Variants in ARFGEF1 observed in about 807,000 individuals in gnomAD.
ARFGEF1 encodes the protein brefeldin A-inhibited guanine nucleotide-exchange protein 1.
A neutral mutation model predicts 231.0 loss-of-function variants in ARFGEF1; 42 were observed. The observed-to-expected ratio is 0.18, with a 90% confidence interval of 0.14 to 0.24. The LOEUF is 0.24. ARFGEF1 is among the 10% of genes least tolerant of loss of function. The pLI is 1.00. For synonymous variants in ARFGEF1, 710 were observed against 732.3 expected (o/e 0.97, Z 0.49); for missense variants, 1,345 against 2,192.0 (o/e 0.61, Z 7.72).
chr8:67,305,520 T>C (rs912523496), intron 1 of ARFGEF1, among the ~76,000 whole-genome samples: 2 of 152,184 alleles, frequency 1.3e-5, no homozygotes, highest in African/African-American at 2.4e-5. Flanking sequence ...GTTAATTTTG[T>C]ATTTTTAGTA....
chr8:67,183,496 A>G (rs1273094975), intron 5 of ARFGEF1, among the ~76,000 whole-genome samples: 2 of 152,240 alleles, frequency 1.3e-5, no homozygotes, highest in Non-Finnish European at 2.9e-5. Flanking sequence ...ACAGAAAGAT[A>G]GCTGGAAAAA....
At chr8:67,264,878 T>A (rs1804786255) in intron 14 of ARFGEF1, among the ~76,000 whole-genome samples, 1 of 152,200 alleles carries the variant, frequency 6.6e-6, no homozygotes, top group African/African-American at 2.4e-5. Context: ...GTACTATTTT[T>A]AAAAATTGCT....
At chr8:67,329,600 G>A (rs1194378610) in intron 1 of ARFGEF1, among the ~76,000 whole-genome samples, 2 of 149,824 alleles carry the variant, frequency 1.3e-5, no homozygotes, top group African/African-American at 4.9e-5. Context: ...AAAATGGAAA[G>A]AGCTAGAAAA....
chr8:67,203,870 A>T (rs956793943), intron 35 of ARFGEF1, among the ~76,000 whole-genome samples: 2 of 151,838 alleles, frequency 1.3e-5, no homozygotes, highest in African/African-American at 4.8e-5. Context: ...TCCACAACCC[A>T]TCCCCCAGCC....
chr8:67,311,340 C>T (rs1225014146), intron 1 of ARFGEF1, among the ~76,000 whole-genome samples: 3 of 113,324 alleles, frequency 2.6e-5, no homozygotes, highest in Admixed American at 8.8e-5. Flanking sequence ...AGGTGAGGGG[C>T]GCCTCTGCCC....
At chr8:67,328,713 T>C (rs1461424315) in intron 1 of ARFGEF1, among the ~76,000 whole-genome samples, 2 of 152,244 alleles carry the variant, frequency 1.3e-5, no homozygotes, top group African/African-American at 4.8e-5. Flanking sequence ...TCAAGAGTTG[T>C]AAACTAAATG....
intron 1 of ARFGEF1, among the ~76,000 whole-genome samples, chr8:67,339,137 AAGTC>A (rs1320116569): frequency 1.3e-5 from 2 of 152,310 alleles, no homozygotes; most frequent in East Asian, 1.9e-4. Context: ...TAAGAAAACT[AAGTC>A]AGCAGGATCA....
intron 8 of ARFGEF1, among the ~76,000 whole-genome samples, chr8:67,276,609 C>G (rs1388176644): frequency 2.0e-5 from 3 of 152,116 alleles, no homozygotes; most frequent in African/African-American, 7.2e-5. Context: ...ATCTTTTACA[C>G]ACAAAATATA....
At chr8:67,271,325 A>T (rs1805090083) in intron 10 of ARFGEF1, among the ~76,000 whole-genome samples, 3 of 152,224 alleles carry the variant, frequency 2.0e-5, no homozygotes, top group African/African-American at 7.2e-5. Flanking sequence ...CAAATGGTTT[A>T]AAATAATGGA....
intron 26 of ARFGEF1, 41 bp downstream of exon 26, chr8:67,227,406 C>T (rs566471354): frequency 2.5e-6 from 4 of 1,601,894 alleles, no homozygotes; most frequent in East Asian, 2.2e-5. Context: ...TGGAAAACAA[C>T]AAGATTTTCC....
At chr8:67,186,316 T>C (rs1476845190) in intron 5 of ARFGEF1, among the ~76,000 whole-genome samples, 1 of 151,822 alleles carries the variant, frequency 6.6e-6, no homozygotes, top group Non-Finnish European at 1.5e-5. Context: ...GTTTTAAATA[T>C]GTATGGAATG....
chr8:67,337,656 C>CTATT (rs886457467), intron 1 of ARFGEF1, among the ~76,000 whole-genome samples: 2 of 151,792 alleles, frequency 1.3e-5, no homozygotes, highest in African/African-American at 4.8e-5. Flanking sequence ...TTTCCTGTTT[C>CTATT]TATTTCATCC....
intron 5 of ARFGEF1, among the ~76,000 whole-genome samples, chr8:67,178,451 A>T (rs1017321876): frequency 1.3e-5 from 2 of 152,234 alleles, no homozygotes; most frequent in Non-Finnish European, 2.9e-5. Flanking sequence ...AACAAAAGGG[A>T]CAAAAATCCC....
At chr8:67,179,732 T>A (rs941669076) in intron 5 of ARFGEF1, 23 of 613,908 alleles carry the variant, frequency 3.7e-5, no homozygotes, top group Middle Eastern at 5.2e-4. Flanking sequence ...TGGAATGTAG[T>A]CAGTCCTACC....
At chr8:67,339,790 T>TGGGGGGGGG (rs1479485264) in intron 1 of ARFGEF1, among the ~76,000 whole-genome samples, 4 of 424 alleles carry the variant, frequency 9.4e-3, no homozygotes, top group African/African-American at 0.019. Context: ...TGTAACAGTG[T>TGGGGGGGGG]GGGGCGGGGG....
chr8:67,227,790 G>C (rs1393645063), intron 25 of ARFGEF1, among the ~76,000 whole-genome samples, 173 bp downstream of exon 25: 1 of 151,814 alleles, frequency 6.6e-6, no homozygotes, highest in Non-Finnish European at 1.5e-5. Flanking sequence ...AATTCTTAAA[G>C]CCCAGAGCAA....
intron 5 of ARFGEF1, among the ~76,000 whole-genome samples, chr8:67,186,860 T>C (rs1246963271): frequency 6.6e-6 from 1 of 152,198 alleles, no homozygotes; most frequent in African/African-American, 2.4e-5. Flanking sequence ...AGTCAGTCAC[T>C]TTACAATATG....
At position 67,219,474 on chromosome 8, in the gene ARFGEF1, A is replaced by C; in HGVS notation, c.4295T>G (p.Phe1432Cys). 6.2e-7 allele frequency: 1 copy of C among 1,612,312 alleles called. No homozygotes were observed. Among genetic ancestry groups the C allele is most frequent in the Non-Finnish European group, 8.5e-7 (1 of 1,179,314 alleles). Residue 1432 changes from phenylalanine to cysteine, a missense_variant, in exon 30 of 39, where the codon TTC becomes TGC. Coordinates refer to ENST00000262215, the MANE Select transcript of ARFGEF1 (RefSeq NM_006421.5). ...CAATTTCATATTGTCAAAGATTCTG[A>C]AAACAATTCTAAATAAATCCTGCCA... Reference protein sequence around the residue: ...HWWQDLFRIVFRIFDNMKLPE... With the variant: ...HWWQDLFRIVCRIFDNMKLPE...
At chr8:67,227,366 TC>T in intron 26 of ARFGEF1, 57 bp from the exon 27 acceptor site, 1 of 1,597,470 alleles carries the variant, frequency 6.3e-7, no homozygotes, top group Non-Finnish European at 8.6e-7. Context: ...CATCAGTTTT[TC>T]CCCCTTTCTT....
Sources: gnomAD v4.1 joint callset for allele counts (sites outside exome capture counted in the v4.1 genomes callset) on GRCh38, gnomAD v4.1.1 for gene constraint, MANE v1.5 for transcripts, NCBI Gene and HGNC (gene_info 2026-07-23, HGNC 2026-07-21) for gene names.